Variants in SPOCK2 observed in about 807,000 individuals in gnomAD.
SPOCK2 encodes SPARC (osteonectin), cwcv and kazal like domains proteoglycan 2.
A neutral mutation model predicts 60.1 loss-of-function variants in SPOCK2; 39 were observed. The ratio of observed to expected loss-of-function variants is 0.65; its 90% CI spans 0.50 to 0.85. The LOEUF is 0.85. Ranked by LOEUF, SPOCK2 falls within the 40% of genes least tolerant of loss-of-function variation. The probability of loss-of-function intolerance (pLI) is 0.00; values close to 1 mark genes in which losing one functional copy is unlikely to be tolerated. For missense variants in SPOCK2, 523 were observed against 567.4 expected, an observed-to-expected ratio of 0.92 and a Z score of 0.80; for synonymous variants, 217 against 231.5, an observed-to-expected ratio of 0.94 and a Z score of 0.57.
intron 1 of SPOCK2, among the ~76,000 whole-genome samples, chr10:72,083,205 G>GA (rs1440098516): frequency 4.6e-5 from 7 of 152,130 alleles, no homozygotes; most frequent in African/African-American, 1.4e-4. Flanking sequence ...TTTCTCTGGA[G>GA]AAAAAAGAGA....
rs567557060 is a variant in SPOCK2, at chr10:72,077,684, G to A, written c.190-4774C>T. Among the ~76,000 whole-genome samples, 16 of 152,304 alleles carry A rather than the reference G, an allele frequency of 1.1e-4. No homozygotes were observed. In the South Asian group the frequency reaches 2.1e-3, roughly 20 times the overall value. Reference sequence around the variant, plus strand: ...AAGAACAGCCATTCTTCCTCCCTCCGAGGGTGCCTCACACAAAGCGATACA... The same window carrying A: ...AAGAACAGCCATTCTTCCTCCCTCCAAGGGTGCCTCACACAAAGCGATACA... On this transcript the variant is annotated intron_variant, in intron 1 of 10. Coordinates refer to ENST00000373109, the MANE Select transcript of SPOCK2 (RefSeq NM_001244950.2).
chr10:72,087,862 C>T lies in SPOCK2; in HGVS notation c.189+278G>A, dbSNP rs1361717842. Among the ~76,000 whole-genome samples the T allele has an allele frequency of 4.6e-5, 7 of 152,104 alleles. No homozygotes were observed. The highest frequency in any genetic ancestry group is 4.4e-5 in the Non-Finnish European group (3 of 67,988). On this transcript the variant is annotated intron_variant, in intron 1 of 10. Coordinates refer to ENST00000373109, the MANE Select transcript of SPOCK2 (RefSeq NM_001244950.2). This position sits in a 1 kb window ranked among gnomAD's most constrained non-coding sequence, Gnocchi z 4.7. ...CCCGCACCCCTTCCCACTCCCGGCC[C>T]GCAGGGGAGACCCCGGAGCGCGCGA...
At position 72,063,015 on chromosome 10, in the gene SPOCK2, C is replaced by G; in HGVS notation, c.1129+10G>C. On this transcript the variant is annotated intron_variant, in intron 10 of 10. Transcript: ENST00000373109. ...GGCCCCCAGCAGGCCCTGAGCTGCC[C>G]AGCCCGTACCGCAGTCGGGGCTCCC... 1 of 1,561,316 alleles carries G rather than the reference C, an allele frequency of 6.4e-7. No homozygotes were observed. Among genetic ancestry groups the G allele is most frequent in the Non-Finnish European group, 8.7e-7 (1 of 1,153,158 alleles).
chr10:72,088,299 C>T lies in SPOCK2; in HGVS notation c.30G>A (p.Val10=). ...CCGCGGCCAGGAGCAGCAGCGGCAG[C>T]ACCAGCCGCCCGCAGCCCGGGGCGC... is the stretch of plus-strand genomic sequence containing the variant. MRAPGCGRL[V]LPLLLLAAAA... Residue 10 remains valine (V), a synonymous_variant, in exon 1 of 11, where the codon GTG becomes GTA. Transcript: ENST00000373109. 6.3e-7 allele frequency: 1 copy of T among 1,592,212 alleles called. No individual in the cohort carries two copies. The highest frequency in any genetic ancestry group is 8.5e-7 in the Non-Finnish European group (1 of 1,171,304).
At chr10:72,063,214 C>T in intron 9 of SPOCK2, 52 bp from the exon 10 acceptor site, 1 of 1,547,770 alleles carries the variant, frequency 6.5e-7, no homozygotes, top group Non-Finnish European at 8.7e-7. Context: ...GGCTGTGGGC[C>T]CCTCAGAGAG....
Position 72,065,185 on chromosome 10 carries a change from G to A in SPOCK2, c.929-945C>T, listed in dbSNP as rs575674038. ...CAAGTAGCTGAGATTACAGGCACCT[G>A]CCACCATGCCTGGCTAATTTTTGTA... On this transcript the variant is annotated intron_variant, in intron 8 of 10. Coordinates refer to ENST00000373109, the MANE Select transcript of SPOCK2 (RefSeq NM_001244950.2). Among the ~76,000 whole-genome samples the A allele has an allele frequency of 1.5e-4, 20 of 129,712 alleles. 4 individuals are homozygous for A. In the South Asian group the frequency reaches 4.8e-3, roughly 31 times the overall value. The allele number at this position is 129,712 out of a possible 152,430, so 85.1% of individuals were successfully genotyped here.
At chr10:72,082,342 T>C (rs149850247) in intron 1 of SPOCK2, among the ~76,000 whole-genome samples, 1 of 152,206 alleles carries the variant, frequency 6.6e-6, no homozygotes, top group Non-Finnish European at 1.5e-5. Context: ...GGCCTGGGCA[T>C]ACATTTTTCC....
rs868047959 is a variant in SPOCK2 at position 72,088,319 on chromosome 10, G to A, written c.10C>T (p.Pro4Ser). The change falls in exon 1 of 11, where the codon CCG (proline) becomes TCG (serine). Residue 4 changes from proline to serine, a missense_variant. Coordinates refer to ENST00000373109, the MANE Select transcript of SPOCK2 (RefSeq NM_001244950.2). Reference sequence around the variant, plus strand: ...GGCAGCACCAGCCGCCCGCAGCCCGGGGCGCGCATCGTGGTCTGGGTTCGA... The same window carrying A: ...GGCAGCACCAGCCGCCCGCAGCCCGAGGCGCGCATCGTGGTCTGGGTTCGA... MRA[P>S]GCGRLVLPLL... 2 of 1,579,306 alleles carry A rather than the reference G, an allele frequency of 1.3e-6. No individual in the cohort carries two copies. Among genetic ancestry groups the A allele is most frequent in the African/African-American group, 1.4e-5 (1 of 72,404 alleles).
rs766378093 is a variant in SPOCK2 at position 72,062,730 on chromosome 10, T to TC, written c.*29dup. Reference sequence around the variant, plus strand: ...TGCTGCTCAGAGCTCTGCTGTTGAGTCCCCCCCGGCAGCCGGCTCCTGAGG... The same window carrying TC: ...TGCTGCTCAGAGCTCTGCTGTTGAGTCCCCCCCCGGCAGCCGGCTCCTGAGG... On this transcript the variant is annotated 3_prime_UTR_variant, in exon 11 of 11. Transcript: ENST00000373109. The surrounding 1 kb of genome is among the most constrained non-coding windows in gnomAD (Gnocchi z 4.3). 2.7e-3 allele frequency: 4,225 copies of TC among 1,582,392 alleles called. 6 individuals are homozygous for TC. The highest frequency in any genetic ancestry group is 4.4e-3 in the Middle Eastern group (21 of 4,754).
Position 72,087,024 on chromosome 10 carries a change from A to G in SPOCK2, c.189+1116T>C. The G allele has an allele frequency of 6.5e-7, 1 of 1,549,210 alleles. No individual in the cohort carries two copies. The highest frequency in any genetic ancestry group is 8.7e-7 in the Non-Finnish European group (1 of 1,145,940). The stretch of plus-strand genomic sequence containing the variant: ...AAGGAGGAGTAAGGGCCAGGGTCCT[A>G]GAAGAGGTTTTCTGGGGTCAGGGCC... On this transcript the variant is annotated intron_variant, in intron 1 of 10. Transcript: ENST00000373109. The surrounding 1 kb of genome is among the most constrained non-coding windows in gnomAD (Gnocchi z 4.7).
intron 1 of SPOCK2, among the ~76,000 whole-genome samples, chr10:72,079,986 C>A (rs1779076290): frequency 6.6e-6 from 1 of 152,130 alleles, no homozygotes; most frequent in Non-Finnish European, 1.5e-5. Context: ...GCAATCATGT[C>A]TGCAAGGGGA....
Position 72,086,642 on chromosome 10 carries a change from C to A in SPOCK2, c.189+1498G>T, listed in dbSNP as rs545801227. The A allele has an allele frequency of 3.3e-6, 4 of 1,226,550 alleles. No individual in the cohort carries two copies. The East Asian group carries it at 1.5e-4, about 46-fold the overall frequency. The allele number at this position is 1,226,550 out of a possible 1,614,324, so 76.0% of individuals were successfully genotyped here. Reference sequence around the variant, plus strand: ...CTGCAGGTGCTTCGGGAAGGCCTCGCGGGGCTCCAGGCTCCTGCGGCTGGA... The same window carrying A: ...CTGCAGGTGCTTCGGGAAGGCCTCGAGGGGCTCCAGGCTCCTGCGGCTGGA... On this transcript the variant is annotated intron_variant, in intron 1 of 10. Coordinates refer to ENST00000373109, the MANE Select transcript of SPOCK2 (RefSeq NM_001244950.2).
intron 2 of SPOCK2, 100 bp from the exon 3 acceptor site, chr10:72,072,648 T>A: frequency 6.4e-7 from 1 of 1,551,186 alleles, no homozygotes; most frequent in Non-Finnish European, 8.8e-7. Flanking sequence ...AGCGATGTCA[T>A]GTGCCAATGG....
chr10:72,067,878 C>G, intron 6 of SPOCK2, 146 bp from the exon 7 acceptor site: 1 of 1,245,104 alleles, frequency 8.0e-7, no homozygotes. Flanking sequence ...TCGGGGGCTT[C>G]CTCTCGAGTC....
rs1309951631 is a variant in SPOCK2 at position 72,067,073 on chromosome 10, T to C, written c.757A>G (p.Met253Val). 2 of 1,614,136 alleles carry C rather than the reference T, an allele frequency of 1.2e-6. No homozygotes were observed. The highest frequency in any genetic ancestry group is 1.7e-6 in the Non-Finnish European group (2 of 1,180,038). ...GASCKDSIGW[M>V]FSKLDTSADL... ...GCACTGGTGTCCAGCTTGGAGAACA[T>C]CCAGCCAATGGAGTCCTTGCAGCTG... The change falls in exon 8 of 11, where the codon ATG becomes GTG. Residue 253 changes from methionine to valine, a missense_variant. Met to Val is a conservative substitution (Grantham distance 21, BLOSUM62 1). Coordinates refer to ENST00000373109, the MANE Select transcript of SPOCK2 (RefSeq NM_001244950.2).
chr10:72,088,200 T>C lies in SPOCK2; in HGVS notation c.129A>G (p.Gln43=). 1.2e-6 allele frequency: 2 copies of C among 1,613,048 alleles called. No homozygotes were observed. The highest frequency in any genetic ancestry group is 1.7e-6 in the Non-Finnish European group (2 of 1,179,694). The change falls in exon 1 of 11, where the codon CAA becomes CAG. Residue 43 remains glutamine (Q), a synonymous_variant. Coordinates refer to ENST00000373109, the MANE Select transcript of SPOCK2 (RefSeq NM_001244950.2). ...ETPGNFMEDE[Q]WLSSISQYSG... Reference sequence around the variant, plus strand: ...TGTACTGCGAGATGGACGACAGCCATTGCTCGTCCTCCATGAAATTGCCGG... The same window carrying C: ...TGTACTGCGAGATGGACGACAGCCACTGCTCGTCCTCCATGAAATTGCCGG...
At chr10:72,064,081 G>T in intron 9 of SPOCK2, 97 bp downstream of exon 9, 1 of 1,486,032 alleles carries the variant, frequency 6.7e-7, no homozygotes. Flanking sequence ...TGGGCTCCAT[G>T]TCTGCCATGA....
Position 72,082,853 on chromosome 10 carries a change from C to CAA in SPOCK2, c.189+5285_189+5286dup, listed in dbSNP as rs770751183. Among the ~76,000 whole-genome samples the CAA allele has an allele frequency of 7.1e-3, 322 of 45,620 alleles. 2 individuals are homozygous for CAA. The highest frequency in any genetic ancestry group is 0.012 in the East Asian group (15 of 1,240). The allele number at this position is 45,620 out of a possible 152,430, so 29.9% of individuals were successfully genotyped here. A position where few individuals can be genotyped will look rare whatever the true frequency, so the allele number is the denominator to read the frequency against. On this transcript the variant is annotated intron_variant, in intron 1 of 10. Coordinates refer to ENST00000373109, the MANE Select transcript of SPOCK2 (RefSeq NM_001244950.2). ...TGGGTGACAGAGTGAGACCCTGTCT[C>CAA]AAAAAAAAAAAAAAAAAAAAAAAAG...
chr10:72,063,579 G>A (rs1172391554), intron 9 of SPOCK2, among the ~76,000 whole-genome samples: 1 of 152,316 alleles, frequency 6.6e-6, no homozygotes, highest in East Asian at 1.9e-4. Context: ...AGTCCGACCT[G>A]CCTCCGGGGC....
Sources: allele counts gnomAD v4.1 joint callset (sites outside exome capture counted in the v4.1 genomes callset), GRCh38; gene constraint gnomAD v4.1.1; non-coding constraint Gnocchi (gnomAD v3.1); transcripts MANE v1.5; gene names NCBI Gene and HGNC (gene_info 2026-07-23, HGNC 2026-07-21).